The following FSTL5 variants were observed in gnomAD, a reference collection of about 807,000 sequenced individuals.
FSTL5 encodes follistatin like 5.
Under a neutral mutation model 89.1 loss-of-function variants are expected in FSTL5, and 62 were observed. The observed-to-expected ratio is 0.70, with a 90% CI of 0.57 to 0.86. The LOEUF (loss-of-function observed/expected upper bound fraction) is 0.86, where lower values mean the gene tolerates loss of function less well. Ranked by LOEUF, FSTL5 falls within the 40% of genes least tolerant of loss-of-function variation. The pLI is 0.00. For missense variants in FSTL5, 1,057 were observed against 1,001.6 expected (o/e 1.06, Z -0.75); for synonymous variants, 383 against 346.2 (o/e 1.11, Z -1.18).
At chr4:161,915,131 T>C (rs1341520054) in intron 4 of FSTL5, among the ~76,000 whole-genome samples, 1 of 152,212 alleles carries the variant, frequency 6.6e-6, no homozygotes, top group Non-Finnish European at 1.5e-5. Context: ...GGGCCATTTT[T>C]AAAACTGTAA....
intron 10 of FSTL5, among the ~76,000 whole-genome samples, chr4:161,536,317 C>T (rs1036822938): frequency 6.6e-6 from 1 of 152,098 alleles, no homozygotes; most frequent in Non-Finnish European, 1.5e-5. Context: ...CCATGTATAT[C>T]TAATATCAGT....
chr4:162,059,397 A>T (rs1161948054), intron 2 of FSTL5, among the ~76,000 whole-genome samples: 1 of 152,202 alleles, frequency 6.6e-6, no homozygotes, highest in Non-Finnish European at 1.5e-5. Context: ...CTCAAATTTT[A>T]AACTTATTTT....
intron 3 of FSTL5, among the ~76,000 whole-genome samples, chr4:161,977,612 CAAAA>C (rs796909244): frequency 0.018 from 1,682 of 94,804 alleles, 31 homozygotes; most frequent in East Asian, 0.097. Context: ...GACTCCGTGT[CAAAA>C]AAAAAAAAAA....
At chr4:162,087,197 G>A (rs1205222256) in intron 2 of FSTL5, among the ~76,000 whole-genome samples, 1 of 151,904 alleles carries the variant, frequency 6.6e-6, no homozygotes, top group Non-Finnish European at 1.5e-5. Context: ...TTGAATATGA[G>A]AATGAAAAAA....
intron 6 of FSTL5, among the ~76,000 whole-genome samples, chr4:161,708,409 C>A (rs2126737114): frequency 6.6e-6 from 1 of 152,040 alleles, no homozygotes; most frequent in East Asian, 1.9e-4. Flanking sequence ...CATAGCTATA[C>A]TTTAATCAAA....
At chr4:161,771,133 T>C (rs965996133) in intron 5 of FSTL5, among the ~76,000 whole-genome samples, 2 of 152,104 alleles carry the variant, frequency 1.3e-5, no homozygotes, top group African/African-American at 2.4e-5. Context: ...TGGGTTATAA[T>C]GGCTGCTTAC....
chr4:162,092,162 T>C (rs897429609), intron 2 of FSTL5, among the ~76,000 whole-genome samples: 1 of 152,092 alleles, frequency 6.6e-6, no homozygotes, highest in Non-Finnish European at 1.5e-5. Context: ...TAAATATCCA[T>C]GCTGGATTCC....
intron 1 of FSTL5, among the ~76,000 whole-genome samples, chr4:162,137,290 G>C (rs1227389577): frequency 6.6e-6 from 1 of 151,930 alleles, no homozygotes; most frequent in Non-Finnish European, 1.5e-5. Flanking sequence ...CCATTTCCTA[G>C]GTCACATCTT....
chr4:161,781,223 A>G (rs1741654736), intron 4 of FSTL5, among the ~76,000 whole-genome samples: 1 of 152,080 alleles, frequency 6.6e-6, no homozygotes, highest in Non-Finnish European at 1.5e-5. Context: ...GCATATATGA[A>G]TCAAATTCAA....
chr4:161,975,960 A>G (rs1201702106), intron 3 of FSTL5, among the ~76,000 whole-genome samples: 1 of 84,190 alleles, frequency 1.2e-5, no homozygotes, highest in Non-Finnish European at 2.3e-5. Context: ...CTAAAAATAC[A>G]AAAAAAAATT....
intron 8 of FSTL5, among the ~76,000 whole-genome samples, chr4:161,587,237 T>C (rs112149153): frequency 6.6e-6 from 1 of 152,076 alleles, no homozygotes; most frequent in African/African-American, 2.4e-5. Flanking sequence ...TGAGTTACTC[T>C]AATATTTTAT....
intron 8 of FSTL5, among the ~76,000 whole-genome samples, chr4:161,553,807 C>T (rs1329615806): frequency 8.6e-5 from 13 of 151,386 alleles, no homozygotes; most frequent in Non-Finnish European, 3.0e-5. Context: ...TAAATTAGTG[C>T]ATTTATAGTA....
chr4:161,773,853 G>T (rs1400584260), intron 5 of FSTL5, among the ~76,000 whole-genome samples: 1 of 152,090 alleles, frequency 6.6e-6, no homozygotes, highest in East Asian at 1.9e-4. Context: ...CTACCAAGAA[G>T]AAAACAAGTC....
At chr4:161,581,183 A>C (rs573216778) in intron 8 of FSTL5, among the ~76,000 whole-genome samples, 2 of 152,188 alleles carry the variant, frequency 1.3e-5, no homozygotes, top group Non-Finnish European at 2.9e-5. Context: ...AATTACCAGA[A>C]GGTTTGTTAG....
At chr4:161,708,893 A>G in intron 6 of FSTL5, among the ~76,000 whole-genome samples, 1 of 152,182 alleles carries the variant, frequency 6.6e-6, no homozygotes, top group East Asian at 1.9e-4. Context: ...ACAGTCCAAT[A>G]ATATACAAAA....
chr4:162,098,377 C>A (rs1730849939), intron 2 of FSTL5, among the ~76,000 whole-genome samples: 1 of 151,942 alleles, frequency 6.6e-6, no homozygotes, highest in Non-Finnish European at 1.5e-5. Flanking sequence ...TGATGACATT[C>A]TATATCTTCA....
chr4:161,561,196 T>C (rs1310333369), intron 8 of FSTL5, among the ~76,000 whole-genome samples: 1 of 80,048 alleles, frequency 1.2e-5, no homozygotes, highest in African/African-American at 3.2e-5. Context: ...TTTTAGATGA[T>C]AGATAGATAG....
At chr4:161,919,726 A>G (rs537397199) in intron 4 of FSTL5, among the ~76,000 whole-genome samples, 28 of 152,322 alleles carry the variant, frequency 1.8e-4, no homozygotes, top group African/African-American at 6.3e-4. Flanking sequence ...ACAAGTAAAC[A>G]ACAAATAAAT....
chr4:161,424,168 C>T (rs185857249), intron 15 of FSTL5, among the ~76,000 whole-genome samples: 29 of 151,634 alleles, frequency 1.9e-4, no homozygotes, highest in South Asian at 4.2e-4. Flanking sequence ...TGAGCCACCA[C>T]GCCCAGCCCT....
Sources: allele counts gnomAD v4.1 joint callset (sites outside exome capture counted in the v4.1 genomes callset), GRCh38; gene constraint gnomAD v4.1.1; transcripts MANE v1.5; gene names NCBI Gene and HGNC (gene_info 2026-07-23, HGNC 2026-07-21).